The following MINDY4B variants were observed in gnomAD, a reference collection of about 807,000 sequenced individuals.
MINDY4B encodes MINDY family member 4B.
Under a neutral mutation model 16.7 loss-of-function variants are expected in MINDY4B, and 25 were observed. The ratio of observed to expected loss-of-function variants is 1.49; its 90% CI spans 1.09 to 2.09. The LOEUF is 2.09. Ranked by LOEUF, MINDY4B falls within the 30% of genes most tolerant of loss-of-function variation. The pLI, the probability that MINDY4B is intolerant of heterozygous loss-of-function variation, is 0.00. For missense variants in MINDY4B, 327 were observed against 168.4 expected (o/e 1.94, Z -5.21); for synonymous variants, 132 against 61.9 (o/e 2.13, Z -5.32).
intron 11 of MINDY4B, among the ~76,000 whole-genome samples, chr3:150,872,888 C>T (rs919148794): frequency 3.3e-5 from 5 of 152,172 alleles, no homozygotes; most frequent in South Asian, 2.1e-4. Context: ...TCAAAGGCCC[C>T]GGAGAATGGT....
chr3:150,874,688 C>T (rs770506864), intron 10 of MINDY4B, among the ~76,000 whole-genome samples: 1 of 152,144 alleles, frequency 6.6e-6, no homozygotes, highest in Non-Finnish European at 1.5e-5. Flanking sequence ...CAGAGTTGTA[C>T]TGTTTGTTCA....
At chr3:150,895,810 T>C (rs1385260094) in intron 3 of MINDY4B, among the ~76,000 whole-genome samples, 3 of 152,236 alleles carry the variant, frequency 2.0e-5, no homozygotes, top group African/African-American at 7.2e-5. Context: ...TAACTTTAGA[T>C]AACCTGATGA....
chr3:150,874,698 A>G (rs1201921667), intron 10 of MINDY4B, among the ~76,000 whole-genome samples: 1 of 152,194 alleles, frequency 6.6e-6, no homozygotes, highest in Non-Finnish European at 1.5e-5. Flanking sequence ...CTGTTTGTTC[A>G]GGAACAAATT....
At chr3:150,901,401 A>C (rs931555297) in intron 3 of MINDY4B, 1 of 152,238 alleles carries the variant, frequency 6.6e-6, no homozygotes, top group Non-Finnish European at 1.5e-5. Flanking sequence ...CAGTGAGCTG[A>C]GTGCAGTGTT....
intron 3 of MINDY4B, among the ~76,000 whole-genome samples, chr3:150,900,936 G>T (rs957170896): frequency 6.6e-6 from 1 of 152,140 alleles, no homozygotes; most frequent in African/African-American, 2.4e-5. Context: ...TATTCATGTG[G>T]TTCAAAATCC....
In MINDY4B at chr3:150,883,739, C is replaced by T; in HGVS notation, c.858G>A (p.Gln286=). ...LQMDLDVTTT[Q]LLQPNAGGFL... is the part of the protein sequence containing the mutation. ...AGCCTCCAGCATTTGGTTGTAGCAG[C>T]TGAGTGGTGGTGACATCTAGGTCCA... is the stretch of plus-strand genomic sequence containing the variant. The change falls in exon 9 of 12, where the codon CAG becomes CAA. Residue 286 remains glutamine (Q), a synonymous_variant. Transcript: ENST00000465419. 1 of 702,794 alleles carries T rather than the reference C, an allele frequency of 1.4e-6. No individual in the cohort carries two copies. Among genetic ancestry groups the T allele is most frequent in the Admixed American group, 2.0e-5 (1 of 50,006 alleles). The allele number at this position is 702,794 out of a possible 1,614,324, so 43.5% of individuals were successfully genotyped here. A position where few individuals can be genotyped will look rare whatever the true frequency, so the allele number is the denominator to read the frequency against.
At chr3:150,882,778 C>T in intron 10 of MINDY4B, 119 bp downstream of exon 10, 1 of 460,634 alleles carries the variant, frequency 2.2e-6, no homozygotes, top group Non-Finnish European at 3.9e-6. Flanking sequence ...GAGGGAGGTA[C>T]ACAGGCAGAC....
At chr3:150,902,981 G>A (rs1252507009) in intron 3 of MINDY4B, among the ~76,000 whole-genome samples, 5 of 152,152 alleles carry the variant, frequency 3.3e-5, no homozygotes, top group Non-Finnish European at 2.9e-5. Context: ...TTATTTGAAT[G>A]TAACTCACTC....
chr3:150,894,350 C>T (rs139281094), intron 3 of MINDY4B, 45 bp from the exon 4 acceptor site: 1 of 659,968 alleles, frequency 1.5e-6, no homozygotes, highest in African/African-American at 1.8e-5. Flanking sequence ...AGAATTCTTC[C>T]TAGACATATT....
rs143740221 is a variant in MINDY4B, at chr3:150,896,982, T to C, written c.310-2677A>G. ...GCTAGAAACTGCTGCCTGTGAAAGCTCTGACTGGGCCTTAAAAGGGAGGTA... is the reference window on the plus strand; with the variant it reads ...GCTAGAAACTGCTGCCTGTGAAAGCCCTGACTGGGCCTTAAAAGGGAGGTA... On this transcript the variant is annotated intron_variant, in intron 3 of 11. Coordinates refer to ENST00000465419, the MANE Select transcript of MINDY4B (RefSeq NM_001351281.2). 9.2e-5 allele frequency among the ~76,000 whole-genome samples: 14 copies of C among 152,330 alleles called. No homozygotes were observed. The East Asian group carries it at 2.7e-3, about 29-fold the overall frequency.
chr3:150,889,382 T>C lies in MINDY4B; in HGVS notation c.753+938A>G, dbSNP rs142242892. Among the ~76,000 whole-genome samples, 986 of 152,360 alleles carry C rather than the reference T, an allele frequency of 6.5e-3. 6 individuals are homozygous for C. Among genetic ancestry groups the C allele is most frequent in the Admixed American group, 7.4e-3 (113 of 15,314 alleles). ...GCAAGGGCAGGGGGCACTCTTCTCCTATCACTTCTCTCTGACTTCCTCTTT... is the reference window on the plus strand; with the variant it reads ...GCAAGGGCAGGGGGCACTCTTCTCCCATCACTTCTCTCTGACTTCCTCTTT... On this transcript the variant is annotated intron_variant, in intron 7 of 11. Coordinates refer to ENST00000465419, the MANE Select transcript of MINDY4B (RefSeq NM_001351281.2).
chr3:150,887,808 G>A (rs1008489878), intron 7 of MINDY4B, among the ~76,000 whole-genome samples: 1 of 152,188 alleles, frequency 6.6e-6, no homozygotes, highest in Non-Finnish European at 1.5e-5. Flanking sequence ...CTGAAATCAA[G>A]GTGTAAGAGT....
intron 4 of MINDY4B, 116 bp from the exon 5 acceptor site, chr3:150,893,531 T>C: frequency 1.5e-6 from 1 of 675,836 alleles, no homozygotes; most frequent in Non-Finnish European, 2.7e-6. Context: ...AGGGACACCA[T>C]GCTATATTTG....
At chr3:150,883,278 A>G (rs1711551866) in intron 9 of MINDY4B, among the ~76,000 whole-genome samples, 1 of 151,916 alleles carries the variant, frequency 6.6e-6, no homozygotes, top group African/African-American at 2.4e-5. Flanking sequence ...TCTGTACCCC[A>G]CTCTGATCTT....
At chr3:150,886,437 T>G (rs928989207) in intron 7 of MINDY4B, among the ~76,000 whole-genome samples, 1 of 151,948 alleles carries the variant, frequency 6.6e-6, no homozygotes, top group Non-Finnish European at 1.5e-5. Flanking sequence ...CTGAAATGAG[T>G]GAGAGAAATG....
At chr3:150,897,321 C>CTGTGTGTGTGTGTGTGTG (rs3062408) in intron 3 of MINDY4B, among the ~76,000 whole-genome samples, 5 of 130,598 alleles carry the variant, frequency 3.8e-5, no homozygotes, top group African/African-American at 1.5e-4. Context: ...GTGACTGGAA[C>CTGTGTGTGTGTGTGTGTG]TGTGTGTGTG....
chr3:150,879,857 C>A (rs1711506718), intron 10 of MINDY4B, among the ~76,000 whole-genome samples: 1 of 152,188 alleles, frequency 6.6e-6, no homozygotes, highest in Admixed American at 6.5e-5. Flanking sequence ...TTGCCTGTAT[C>A]CTTCCTGTAG....
At chr3:150,899,249 T>C (rs1712052186) in intron 3 of MINDY4B, among the ~76,000 whole-genome samples, 2 of 152,222 alleles carry the variant, frequency 1.3e-5, no homozygotes, top group Non-Finnish European at 2.9e-5. Flanking sequence ...ATATAGTAAA[T>C]GGCAGTGCCA....
intron 2 of MINDY4B, among the ~76,000 whole-genome samples, chr3:150,903,891 TA>T (rs78651475): frequency 0.07 from 10,670 of 152,138 alleles, 590 homozygotes; most frequent in East Asian, 0.23. Flanking sequence ...TCTTTTTCCT[TA>T]AAAAAAATCC....
Sources: allele counts gnomAD v4.1 joint callset (sites outside exome capture counted in the v4.1 genomes callset), GRCh38; gene constraint gnomAD v4.1.1; transcripts MANE v1.5; gene names NCBI Gene and HGNC (gene_info 2026-07-23, HGNC 2026-07-21).